CSMD1: variants seen among roughly 807,000 people sequenced by gnomAD.
CSMD1 encodes the protein CUB and Sushi multiple domains 1.
Under a neutral mutation model 417.5 loss-of-function variants are expected in CSMD1, and 213 were observed. The observed-to-expected ratio is 0.51, with a 90% CI of 0.46 to 0.57. CSMD1 has a LOEUF of 0.57. CSMD1 is among the 20% of genes least tolerant of loss of function. The probability of loss-of-function intolerance (pLI) is 0.00; values close to 1 mark genes in which losing one functional copy is unlikely to be tolerated. For missense variants in CSMD1, 6,923 were observed against 4,529.7 expected (o/e 1.53, Z -15.17); for synonymous variants, 2,862 against 1,736.8 (o/e 1.65, Z -16.11).
Position 3,444,088 on chromosome 8 carries a change from T to C in CSMD1, c.1561+24624A>G, listed in dbSNP as rs143631824. 1.5e-3 allele frequency among the ~76,000 whole-genome samples: 233 copies of C among 152,124 alleles called. 1 individual carries two copies. The highest frequency in any genetic ancestry group is 6.8e-3 in the Middle Eastern group (2 of 292). On this transcript the variant is annotated intron_variant, in intron 12 of 69. Transcript: ENST00000635120. ...TGTTCTATACACACACACACGCACA[T>C]ACACACTCACTCCCTATCGAGTGAA...
At chr8:4,380,757 T>C (rs111831515) in intron 3 of CSMD1, among the ~76,000 whole-genome samples, 2,161 of 152,096 alleles carry the variant, frequency 0.014, 39 homozygotes, top group Middle Eastern at 0.045. Context: ...ACGACTTCTC[T>C]GTAAAAGTGC....
chr8:3,679,591 C>G (rs1220737652), intron 7 of CSMD1, among the ~76,000 whole-genome samples: 1 of 152,132 alleles, frequency 6.6e-6, no homozygotes, highest in Non-Finnish European at 1.5e-5. Context: ...TAATGGGAGT[C>G]TTTAACACCC....
At chr8:4,807,766 A>G (rs2117316942) in intron 1 of CSMD1, among the ~76,000 whole-genome samples, 1 of 152,316 alleles carries the variant, frequency 6.6e-6, no homozygotes, top group Admixed American at 6.5e-5. Flanking sequence ...CAGTATGTAA[A>G]CTATCAGCTC....
Position 3,321,463 on chromosome 8 carries a change from C to CCCA in CSMD1, c.3632-12963_3632-12961dup, listed in dbSNP as rs201606384. ...CCTCCTCCCTGAATTTCCTGTGAAT[C>CCCA]CCACCACAAGTAGGCAATGACAGGT... On this transcript the variant is annotated intron_variant, in intron 23 of 69. Coordinates refer to ENST00000635120, the MANE Select transcript of CSMD1 (RefSeq NM_033225.6). Among the ~76,000 whole-genome samples the CCCA allele has an allele frequency of 8.6e-3, 1,313 of 152,240 alleles. 5 individuals are homozygous for CCCA. Among genetic ancestry groups the CCCA allele is most frequent in the Non-Finnish European group, 0.015 (1,013 of 68,018 alleles).
intron 26 of CSMD1, chr8:3,279,162 T>A (rs914007432): frequency 1.3e-5 from 2 of 152,062 alleles, no homozygotes; most frequent in Admixed American, 6.6e-5. Flanking sequence ...CAGCCTGAGA[T>A]CCTTAGAGAG....
intron 3 of CSMD1, among the ~76,000 whole-genome samples, chr8:4,065,390 C>T (rs1799191092): frequency 6.6e-6 from 1 of 152,152 alleles, no homozygotes; most frequent in Admixed American, 6.5e-5. Context: ...GTCCTACAGT[C>T]TTAAAAATTT....
intron 2 of CSMD1, among the ~76,000 whole-genome samples, chr8:4,438,323 C>G (rs1235354247): frequency 6.6e-6 from 1 of 152,146 alleles, no homozygotes; most frequent in Non-Finnish European, 1.5e-5. Flanking sequence ...GAAGCAGCAC[C>G]AAATCTCCAG....
intron 2 of CSMD1, among the ~76,000 whole-genome samples, chr8:4,560,292 T>C (rs775635597): frequency 6.6e-6 from 1 of 152,198 alleles, no homozygotes; most frequent in East Asian, 1.9e-4. Context: ...TGCAGTTCTC[T>C]AGAAAGTTGT....
intron 25 of CSMD1, among the ~76,000 whole-genome samples, chr8:3,290,834 T>C (rs1379449551): frequency 6.6e-6 from 1 of 150,738 alleles, no homozygotes; most frequent in Non-Finnish European, 1.5e-5. Context: ...TCGTGCCTAA[T>C]TGCCCTGGCC....
intron 2 of CSMD1, among the ~76,000 whole-genome samples, chr8:4,467,098 A>C (rs1800219428): frequency 6.8e-6 from 1 of 146,816 alleles, no homozygotes. Flanking sequence ...ATTTCAACTT[A>C]GTCTTGCTCT....
chr8:4,419,689 C>T (rs1162174560), intron 3 of CSMD1, among the ~76,000 whole-genome samples: 1 of 152,106 alleles, frequency 6.6e-6, no homozygotes, highest in African/African-American at 2.4e-5. Context: ...TTTCTCAAAA[C>T]TTATTCGCTA....
chr8:4,256,646 C>A (rs765709608), intron 3 of CSMD1, among the ~76,000 whole-genome samples: 3 of 152,118 alleles, frequency 2.0e-5, no homozygotes, highest in Non-Finnish European at 2.9e-5. Context: ...GGGGGCGCCC[C>A]AAGTCACAGA....
chr8:3,678,966 T>A (rs917191899), intron 7 of CSMD1, among the ~76,000 whole-genome samples: 2 of 151,982 alleles, frequency 1.3e-5, no homozygotes, highest in South Asian at 4.2e-4. Context: ...ATAAAATACT[T>A]CACAGACAAG....
intron 54 of CSMD1, among the ~76,000 whole-genome samples, chr8:2,997,491 T>C (rs1466178035): frequency 3.3e-5 from 5 of 152,180 alleles, no homozygotes; most frequent in African/African-American, 4.8e-5. Flanking sequence ...ATAAGAGTGA[T>C]GTTGTAATGG....
At chr8:4,596,958 G>C (rs1228551769) in intron 2 of CSMD1, among the ~76,000 whole-genome samples, 1 of 152,066 alleles carries the variant, frequency 6.6e-6, no homozygotes, top group Non-Finnish European at 1.5e-5. Flanking sequence ...ATTTTCTCTT[G>C]CCACCTCCAT....
chr8:4,095,387 A>C (rs906109337), intron 3 of CSMD1, among the ~76,000 whole-genome samples: 1 of 142,920 alleles, frequency 7.0e-6, no homozygotes, highest in African/African-American at 2.8e-5. Flanking sequence ...TAAAACAAAC[A>C]AAAAAGTAAA....
At chr8:4,303,387 A>G (rs998296432) in intron 3 of CSMD1, among the ~76,000 whole-genome samples, 1 of 138,644 alleles carries the variant, frequency 7.2e-6, no homozygotes, top group Non-Finnish European at 1.6e-5. Flanking sequence ...TTAATTTTTT[A>G]TTCATTGTCT....
At chr8:4,054,941 C>G (rs1208837099) in intron 3 of CSMD1, among the ~76,000 whole-genome samples, 1 of 152,132 alleles carries the variant, frequency 6.6e-6, no homozygotes, top group South Asian at 2.1e-4. Context: ...CAATAAAGTA[C>G]AAAGAGACAT....
chr8:4,125,384 C>T (rs1270714050), intron 3 of CSMD1, among the ~76,000 whole-genome samples: 2 of 152,190 alleles, frequency 1.3e-5, no homozygotes, highest in Non-Finnish European at 2.9e-5. Context: ...CCCCTCCCTG[C>T]TCCAGTTGTC....
Sources: allele counts gnomAD v4.1 joint callset (sites outside exome capture counted in the v4.1 genomes callset), GRCh38; gene constraint gnomAD v4.1.1; transcripts MANE v1.5; gene names NCBI Gene and HGNC (gene_info 2026-07-23, HGNC 2026-07-21).